Variants in MAP4K5 observed in about 807,000 individuals in gnomAD.
The protein encoded by MAP4K5 is mitogen-activated protein kinase kinase kinase kinase 5, also known as MAPK/ERK kinase kinase kinase 5.
MAP4K5 carries 82 observed loss-of-function variants against 135.6 expected under a neutral mutation model. The observed-to-expected ratio is 0.60, with a 90% CI of 0.51 to 0.73. MAP4K5 has a LOEUF of 0.73. Among genes scored for constraint, MAP4K5 ranks in the 30% least tolerant of loss-of-function variants. MAP4K5 has a pLI of 0.00. For missense variants in MAP4K5, 907 were observed against 1,010.9 expected (o/e 0.90, Z 1.39); for synonymous variants, 347 against 335.0 (o/e 1.04, Z -0.39).
chr14:50,503,961 T>A (rs1019158198), intron 3 of MAP4K5, among the ~76,000 whole-genome samples: 1 of 151,938 alleles, frequency 6.6e-6, no homozygotes, highest in Non-Finnish European at 1.5e-5. Context: ...AATAAGAGGA[T>A]CCTGAAAGAG....
At position 50,532,092 on chromosome 14, in the gene MAP4K5, C is replaced by T. The variant is rs2140130266; in HGVS notation, c.-43G>A. The T allele has an allele frequency of 7.9e-7, 1 of 1,266,144 alleles. No homozygotes were observed. The highest frequency in any genetic ancestry group is 1.1e-6 in the Non-Finnish European group (1 of 902,644). The allele number at this position is 1,266,144 out of a possible 1,614,324, so 78.4% of individuals were successfully genotyped here. On this transcript the variant is annotated 5_prime_UTR_variant, in exon 2 of 33. Transcript: ENST00000682126. Reference sequence around the variant, plus strand: ...CCCCCGCCAGCTCACCCCGCGGCTCCCGGATTCCCGCTAACAAGCACGAAC... The same window carrying T: ...CCCCCGCCAGCTCACCCCGCGGCTCTCGGATTCCCGCTAACAAGCACGAAC...
chr14:50,420,525 A>G (rs543850927), intron 32 of MAP4K5, among the ~76,000 whole-genome samples: 1 of 152,110 alleles, frequency 6.6e-6, no homozygotes, highest in South Asian at 2.1e-4. Context: ...CCAGCTACTC[A>G]GGACGCTGAG....
At chr14:50,494,146 A>C (rs2037544497) in intron 3 of MAP4K5, among the ~76,000 whole-genome samples, 2 of 151,730 alleles carry the variant, frequency 1.3e-5, no homozygotes, top group Admixed American at 1.3e-4. Context: ...GGATTGAAAA[A>C]TTTAATATTA....
At chr14:50,516,784 T>C (rs562296446) in intron 2 of MAP4K5, among the ~76,000 whole-genome samples, 62 of 152,320 alleles carry the variant, frequency 4.1e-4, no homozygotes, top group African/African-American at 1.4e-3. Context: ...TCTTCAGTGG[T>C]CCCAGTTTTG....
intron 2 of MAP4K5, among the ~76,000 whole-genome samples, chr14:50,522,347 T>C (rs1202161047): frequency 2.0e-5 from 3 of 152,192 alleles, no homozygotes; most frequent in Admixed American, 1.3e-4. Context: ...TTACTTCTTT[T>C]ACAGTTTTCA....
rs999195010 is a variant in MAP4K5 at position 50,419,076 on chromosome 14, T to C, written c.*943A>G. ...TTATAGTTTCCTCTCTGGCATAGTA[T>C]AAGTAAAATACATATCATGGGCAAT... On this transcript the variant is annotated 3_prime_UTR_variant, in exon 33 of 33. Coordinates refer to ENST00000682126, the MANE Select transcript of MAP4K5 (RefSeq NM_006575.6). The C allele has an allele frequency of 2.0e-5, 3 of 152,164 alleles. No homozygotes were observed. The highest frequency in any genetic ancestry group is 4.4e-5 in the Non-Finnish European group (3 of 67,986). The allele number at this position is 152,164 out of a possible 1,614,324, so 9.4% of individuals were successfully genotyped here.
At position 50,545,665 on chromosome 14, in the gene MAP4K5, G is replaced by A. The variant is rs554805434; in HGVS notation, c.-179-3081C>T. 9.2e-5 allele frequency among the ~76,000 whole-genome samples: 14 copies of A among 152,176 alleles called. 1 individual carries two copies. In the South Asian group the frequency reaches 2.3e-3, roughly 25 times the overall value. On this transcript the variant is annotated intron_variant, in intron 1 of 8. Transcript: ENST00000555216. ...AGGAAAAATAGATACAAAAGTTAAG[G>A]GAGGAGCTGCAGTTAGAAAGGCACA...
At chr14:50,485,118 C>A (rs1217436346) in intron 5 of MAP4K5, among the ~76,000 whole-genome samples, 2 of 151,982 alleles carry the variant, frequency 1.3e-5, no homozygotes, top group East Asian at 3.9e-4. Flanking sequence ...CAGGAAACTG[C>A]CTAAATTAAT....
At chr14:50,443,089 G>A (rs2036263037) in intron 20 of MAP4K5, among the ~76,000 whole-genome samples, 1 of 152,040 alleles carries the variant, frequency 6.6e-6, no homozygotes, top group African/African-American at 2.4e-5. Context: ...GGAATTTTAA[G>A]TTACTACTAT....
In MAP4K5 at chr14:50,422,984, G is replaced by A. The variant is rs575405040; in HGVS notation, c.2453+137C>T. On this transcript the variant is annotated intron_variant, in intron 32 of 32. Coordinates refer to ENST00000682126, the MANE Select transcript of MAP4K5 (RefSeq NM_006575.6). ...TATTAAAATATTACTAATTCTCTCAGTAAAGACACAGAGAAATGTATCTAA... is the reference window on the plus strand; with the variant it reads ...TATTAAAATATTACTAATTCTCTCAATAAAGACACAGAGAAATGTATCTAA... 63 of 517,490 alleles carry A rather than the reference G, an allele frequency of 1.2e-4. No individual in the cohort carries two copies. In the Middle Eastern group the frequency reaches 2.7e-3, roughly 22 times the overall value. 32.1% of individuals were successfully genotyped at this position (517,490 alleles called of 1,614,324 possible). A position where few individuals can be genotyped will look rare whatever the true frequency, so the allele number is the denominator to read the frequency against.
At chr14:50,451,836 C>A (rs1393403779) in intron 14 of MAP4K5, among the ~76,000 whole-genome samples, 1 of 152,140 alleles carries the variant, frequency 6.6e-6, no homozygotes, top group Non-Finnish European at 1.5e-5. Context: ...GTGATTACTT[C>A]TCTGGAGACA....
chr14:50,549,908 C>T (rs527985507), intron 1 of MAP4K5, among the ~76,000 whole-genome samples: 27 of 152,302 alleles, frequency 1.8e-4, no homozygotes, highest in African/African-American at 6.0e-4. Flanking sequence ...TATGAATGGG[C>T]CTGTAAAATA....
rs562867779 is a variant in MAP4K5 at position 50,473,013 on chromosome 14, T to C, written c.542+2064A>G. Among the ~76,000 whole-genome samples the C allele has an allele frequency of 2.0e-5, 3 of 152,282 alleles. No homozygotes were observed. The South Asian group carries it at 6.2e-4, about 32-fold the overall frequency. On this transcript the variant is annotated intron_variant, in intron 9 of 32. Transcript: ENST00000682126. ...TTTCCACTTATTTTCCATGAAAATA[T>C]TGAGGTGAGAATTCTGTAGACACCC...
At chr14:50,525,230 C>T (rs1048226340) in intron 2 of MAP4K5, among the ~76,000 whole-genome samples, 1 of 152,176 alleles carries the variant, frequency 6.6e-6, no homozygotes, top group Non-Finnish European at 1.5e-5. Context: ...ATGTTCAAAA[C>T]CAAACACAAA....
chr14:50,509,741 A>G (rs1377056701), intron 2 of MAP4K5, among the ~76,000 whole-genome samples: 6 of 151,800 alleles, frequency 4.0e-5, no homozygotes, highest in Admixed American at 2.0e-4. Context: ...AGCAAACATA[A>G]TAGCCACTTC....
At chr14:50,428,080 A>G (rs1447198731) in intron 30 of MAP4K5, among the ~76,000 whole-genome samples, 6 of 152,222 alleles carry the variant, frequency 3.9e-5, no homozygotes, top group Non-Finnish European at 2.9e-5. Context: ...GGAAACAATA[A>G]AAGATTTATG....
Position 50,531,983 on chromosome 14 carries a change from C to A in MAP4K5, c.67G>T (p.Val23Phe), listed in dbSNP as rs758202476. Residue 23 changes from valine to phenylalanine, a missense_variant, in exon 2 of 33, where the codon GTC (valine) becomes TTC (phenylalanine). Val to Phe is a conservative substitution (Grantham distance 50). Around this residue, in one of 3 missense-constraint regions of MAP4K5, gnomAD observed 196 missense variants for 189.3 expected, o/e 1.04. Transcript: ENST00000682126. ...TAGGTGCCGCTGCCGACCCTCTGGA[C>A]GAGTTCGTAGTCCTGCTGCGGGTTC... ...RRNPQQDYEL[V>F]QRVGSGTYGD... 3.1e-6 allele frequency: 5 copies of A among 1,604,560 alleles called. No homozygotes were observed. The South Asian group carries it at 5.6e-5, about 18-fold the overall frequency.
intron 12 of MAP4K5, among the ~76,000 whole-genome samples, chr14:50,463,106 T>A (rs901574802): frequency 6.6e-6 from 1 of 152,148 alleles, no homozygotes; most frequent in African/African-American, 2.4e-5. Context: ...CTGATGCAAA[T>A]GAATACTGTG....
intron 3 of MAP4K5, among the ~76,000 whole-genome samples, chr14:50,500,220 G>C (rs922858696): frequency 1.3e-5 from 2 of 152,134 alleles, no homozygotes; most frequent in South Asian, 2.1e-4. Flanking sequence ...TTCTAGGAGA[G>C]AGACAAACAC....
Sources: allele counts gnomAD v4.1 joint callset (sites outside exome capture counted in the v4.1 genomes callset), GRCh38; gene constraint gnomAD v4.1.1; regional missense constraint gnomAD v4.1.1; transcripts MANE v1.5; gene names NCBI Gene and HGNC (gene_info 2026-07-23, HGNC 2026-07-21).